ERBB4: variants seen among roughly 807,000 people sequenced by gnomAD.
ERBB4 encodes receptor tyrosine-protein kinase erbB-4.
Under a neutral mutation model 158.0 loss-of-function variants are expected in ERBB4, and 42 were observed. That is an observed-to-expected ratio of 0.27 (90% CI 0.21 to 0.34). The LOEUF is 0.34. ERBB4 is among the 10% of genes least tolerant of loss of function. The pLI, the probability that ERBB4 is intolerant of heterozygous loss-of-function variation, is 1.00. For missense variants in ERBB4, 1,333 were observed against 1,624.1 expected (o/e 0.82, Z 3.08); for synonymous variants, 583 against 558.7 (o/e 1.04, Z -0.61).
intron 20 of ERBB4, among the ~76,000 whole-genome samples, chr2:211,481,147 G>C (rs569483465): frequency 1.3e-5 from 2 of 152,088 alleles, no homozygotes; most frequent in South Asian, 4.1e-4. Flanking sequence ...AGAAACATTA[G>C]TAAAAAGTGA....
chr2:212,289,101 T>C (rs1004917542), intron 1 of ERBB4, among the ~76,000 whole-genome samples: 1 of 152,132 alleles, frequency 6.6e-6, no homozygotes, highest in Non-Finnish European at 1.5e-5. Flanking sequence ...CAAGTTTCCC[T>C]AAGGCCAGCC....
rs570994427 is a variant in ERBB4, at chr2:212,483,694, C to G, written c.82+54755G>C. Among the ~76,000 whole-genome samples, 3 of 152,278 alleles carry G rather than the reference C, an allele frequency of 2.0e-5. No homozygotes were observed. The South Asian group carries it at 6.2e-4, about 32-fold the overall frequency. On this transcript the variant is annotated intron_variant, in intron 1 of 27. Transcript: ENST00000342788. ...AAGAAGCCTCACCCATTGACTCTTT[C>G]TAAATCTGCTATTAATTTCAAAAGC...
chr2:212,355,362 G>C (rs573305797), intron 1 of ERBB4, among the ~76,000 whole-genome samples: 18 of 152,138 alleles, frequency 1.2e-4, no homozygotes, highest in African/African-American at 3.6e-4. Context: ...CTTCTGCATG[G>C]TGAGGGGAAA....
At chr2:211,667,702 G>A (rs1350120827) in intron 14 of ERBB4, among the ~76,000 whole-genome samples, 2 of 152,102 alleles carry the variant, frequency 1.3e-5, no homozygotes, top group Non-Finnish European at 2.9e-5. Context: ...AACCTACAAT[G>A]AGTAAATTAG....
At chr2:211,537,613 G>A (rs114150635) in intron 20 of ERBB4, among the ~76,000 whole-genome samples, 1,549 of 152,002 alleles carry the variant, frequency 0.01, 35 homozygotes, top group African/African-American at 0.035. Context: ...GAAGGTGGTT[G>A]AAGAAACTGT....
intron 20 of ERBB4, among the ~76,000 whole-genome samples, chr2:211,544,477 C>T (rs924276060): frequency 5.9e-5 from 9 of 151,900 alleles, no homozygotes; most frequent in Admixed American, 2.0e-4. Context: ...ACGCTTGGGT[C>T]GAGCTGAAGA....
chr2:211,791,932 C>T (rs893578805), intron 3 of ERBB4, among the ~76,000 whole-genome samples: 2 of 151,446 alleles, frequency 1.3e-5, no homozygotes, highest in Non-Finnish European at 3.0e-5. Context: ...CACTATTTTC[C>T]AATATCTTGA....
chr2:212,206,736 G>A (rs1356119088), intron 1 of ERBB4, among the ~76,000 whole-genome samples: 1 of 151,478 alleles, frequency 6.6e-6, no homozygotes, highest in Non-Finnish European at 1.5e-5. Context: ...ACAGGGGCCC[G>A]CCACTGCGCC....
At chr2:211,493,716 G>T (rs2065403019) in intron 20 of ERBB4, among the ~76,000 whole-genome samples, 2 of 151,878 alleles carry the variant, frequency 1.3e-5, no homozygotes, top group Admixed American at 6.6e-5. Flanking sequence ...AAGAAACAAG[G>T]AAACAATCAC....
At chr2:211,394,707 C>T (rs776368244) in intron 25 of ERBB4, among the ~76,000 whole-genome samples, 13 of 151,960 alleles carry the variant, frequency 8.6e-5, no homozygotes, top group Non-Finnish European at 1.8e-4. Flanking sequence ...TCAAATGAAT[C>T]GTGAAGTTGT....
chr2:212,399,388 T>C (rs1020084760), intron 1 of ERBB4, among the ~76,000 whole-genome samples: 2 of 151,804 alleles, frequency 1.3e-5, no homozygotes, highest in Non-Finnish European at 2.9e-5. Context: ...GTCCAACTGA[T>C]ACAAAAGTAT....
chr2:211,427,664 C>T (rs1260213660), intron 22 of ERBB4, among the ~76,000 whole-genome samples: 3 of 152,094 alleles, frequency 2.0e-5, no homozygotes, highest in South Asian at 2.1e-4. Flanking sequence ...TTTGTTATGA[C>T]AATAATCTGT....
chr2:211,432,059 A>T (rs2125433295), intron 20 of ERBB4, among the ~76,000 whole-genome samples: 1 of 152,314 alleles, frequency 6.6e-6, no homozygotes, highest in Middle Eastern at 3.4e-3. Flanking sequence ...CCGAGATTAG[A>T]GTGAATATAT....
intron 2 of ERBB4, among the ~76,000 whole-genome samples, chr2:212,116,243 ATATATTAGATTGATAAATACTAGTCTATT>A (rs1219355699): frequency 7.3e-5 from 11 of 151,668 alleles, no homozygotes; most frequent in Admixed American, 4.0e-4. Context: ...ATATCTTTAT[ATATATTAGATTGATAAATACTAGTCTATT>A]TATATTAGAT....
intron 19 of ERBB4, among the ~76,000 whole-genome samples, chr2:211,592,751 C>T (rs2068513229): frequency 6.6e-6 from 1 of 152,138 alleles, no homozygotes; most frequent in Non-Finnish European, 1.5e-5. Flanking sequence ...GTGGCTGACG[C>T]CTGTAATCCC....
intron 1 of ERBB4, among the ~76,000 whole-genome samples, chr2:212,177,595 T>C (rs1476000276): frequency 4.6e-5 from 7 of 151,826 alleles, no homozygotes; most frequent in Non-Finnish European, 1.5e-5. Context: ...ATGCTGAAGG[T>C]TCACTTTTTA....
intron 1 of ERBB4, among the ~76,000 whole-genome samples, chr2:212,141,574 C>T (rs1416867914): frequency 6.6e-6 from 1 of 151,876 alleles, no homozygotes; most frequent in Non-Finnish European, 1.5e-5. Context: ...CACTCCTTCC[C>T]TCCAATTTCC....
chr2:211,410,890 C>T (rs2063242746), intron 25 of ERBB4, among the ~76,000 whole-genome samples: 1 of 151,878 alleles, frequency 6.6e-6, no homozygotes, highest in South Asian at 2.1e-4. Context: ...TAAAAAAAAC[C>T]TTTGTTTTTT....
rs185560832 is a variant in ERBB4 at position 212,204,891 on chromosome 2, T to C, written c.83-79988A>G. Among the ~76,000 whole-genome samples, 1,252 of 147,584 alleles carry C rather than the reference T, an allele frequency of 8.5e-3. 18 individuals carry two copies. Among genetic ancestry groups the C allele is most frequent in the African/African-American group, 0.03 (1,209 of 40,212 alleles). On this transcript the variant is annotated intron_variant, in intron 1 of 27. Coordinates refer to ENST00000342788, the MANE Select transcript of ERBB4 (RefSeq NM_005235.3). ...TGAAGTGCAATGGCATGATCTCGGC[T>C]CACCACAACCTCTGCCTCCCGGGTT...
Sources: allele counts gnomAD v4.1 joint callset (sites outside exome capture counted in the v4.1 genomes callset), GRCh38; gene constraint gnomAD v4.1.1; transcripts MANE v1.5; gene names NCBI Gene and HGNC (gene_info 2026-07-23, HGNC 2026-07-21).